GRIK4: variants seen among roughly 807,000 people sequenced by gnomAD.
The protein encoded by GRIK4 is glutamate receptor ionotropic, kainate 4.
A neutral mutation model predicts 104.9 loss-of-function variants in GRIK4; 40 were observed. That is an observed-to-expected ratio of 0.38 (90% confidence interval 0.30 to 0.50). The LOEUF is 0.50. Ranked by LOEUF, GRIK4 falls within the 20% of genes least tolerant of loss-of-function variation. The pLI, the probability that GRIK4 is intolerant of heterozygous loss-of-function variation, is 0.93. For synonymous variants in GRIK4, 485 were observed against 524.9 expected (o/e 0.92, Z 1.04); for missense variants, 1,047 against 1,308.1 (o/e 0.80, Z 3.08).
Position 120,903,372 on chromosome 11 carries a change from C to G in GRIK4, c.1273-1918C>G, listed in dbSNP as rs1309131862. ...CCCACTTTCAGCACAACTCTGGGGC[C>G]AGCACGAGCTCCCTTCTCTCTGTGA... On this transcript the variant is annotated intron_variant, in intron 12 of 20. Transcript: ENST00000527524. The surrounding 1 kb of genome is among the most constrained non-coding windows in gnomAD (Gnocchi z 4.4). Among the ~76,000 whole-genome samples, 1 of 152,064 alleles carries G rather than the reference C, an allele frequency of 6.6e-6. No individual in the cohort carries two copies. The highest frequency in any genetic ancestry group is 2.4e-5 in the African/African-American group (1 of 41,398).
At chr11:120,776,750 A>G (rs929219608) in intron 3 of GRIK4, among the ~76,000 whole-genome samples, 2 of 152,118 alleles carry the variant, frequency 1.3e-5, no homozygotes, top group South Asian at 2.1e-4. Flanking sequence ...AGCTCAGTCA[A>G]GGTGTTGTCG....
intron 8 of GRIK4, among the ~76,000 whole-genome samples, chr11:120,857,261 C>T (rs1010154997): frequency 6.6e-6 from 1 of 152,204 alleles, no homozygotes; most frequent in Non-Finnish European, 1.5e-5. Flanking sequence ...AAGCTTCCTG[C>T]AGCTTGCAGT....
intron 1 of GRIK4, among the ~76,000 whole-genome samples, chr11:120,649,220 G>A (rs1031270230): frequency 7.9e-5 from 12 of 152,166 alleles, no homozygotes; most frequent in Non-Finnish European, 1.3e-4. Flanking sequence ...ACCTGGGAGG[G>A]CTGAGGGGGG....
Position 120,769,084 on chromosome 11 carries a change from A to G in GRIK4, c.83-33609A>G, listed in dbSNP as rs1339647235. On this transcript the variant is annotated intron_variant, in intron 3 of 20. Transcript: ENST00000527524. ...ATTTGGACGTATTCCCTCTAGCTGT[A>G]TTTTTTGGAAGAGTTTAAGAAGCCC... 2.6e-5 allele frequency among the ~76,000 whole-genome samples: 4 copies of G among 152,240 alleles called. No homozygotes were observed. In the East Asian group the frequency reaches 5.8e-4, roughly 22 times the overall value.
chr11:120,958,296 G>A (rs1944211597), intron 16 of GRIK4, among the ~76,000 whole-genome samples: 5 of 152,258 alleles, frequency 3.3e-5, no homozygotes, highest in Admixed American at 1.3e-4. Context: ...CTGAGGGGAG[G>A]ACTCAGCGCT....
rs1429105722 is a variant in GRIK4 at position 120,513,973 on chromosome 11, G to A, written c.-159+2086G>A. 6.6e-6 allele frequency among the ~76,000 whole-genome samples: 1 copy of A among 152,218 alleles called. No homozygotes were observed. Among genetic ancestry groups the A allele is most frequent in the Non-Finnish European group, 1.5e-5 (1 of 68,054 alleles). ...GATGGAGAGGGAACTTTAGTACCGG[G>A]AGAGAGGCAGAGACTCTAGGAGAAA... On this transcript the variant is annotated intron_variant, in intron 1 of 20. Transcript: ENST00000527524. The surrounding 1 kb of genome is among the most constrained non-coding windows in gnomAD (Gnocchi z 4.5).
chr11:120,843,099 A>G (rs1342944440), intron 8 of GRIK4, among the ~76,000 whole-genome samples: 1 of 152,262 alleles, frequency 6.6e-6, no homozygotes, highest in African/African-American at 2.4e-5. Context: ...GTCAAAAGTC[A>G]GGGACTGCCA....
At chr11:120,656,599 G>A (rs556564588) in intron 2 of GRIK4, among the ~76,000 whole-genome samples, 14 of 152,242 alleles carry the variant, frequency 9.2e-5, no homozygotes, top group Admixed American at 3.9e-4. Flanking sequence ...AGTGGCTCAC[G>A]CCTGTAATCC....
At chr11:120,861,875 T>C in intron 8 of GRIK4, 84 bp from the exon 9 acceptor site, 1 of 1,013,012 alleles carries the variant, frequency 9.9e-7, no homozygotes, top group Non-Finnish European at 1.5e-6. Flanking sequence ...TAGAATGTGG[T>C]ACCCAGATAT....
chr11:120,828,270 A>G (rs978784322), intron 6 of GRIK4, among the ~76,000 whole-genome samples: 1 of 152,238 alleles, frequency 6.6e-6, no homozygotes, highest in African/African-American at 2.4e-5. Flanking sequence ...ATATATACAC[A>G]CACATCTATG....
At chr11:120,722,723 G>A (rs1950956820) in intron 3 of GRIK4, among the ~76,000 whole-genome samples, 1 of 152,138 alleles carries the variant, frequency 6.6e-6, no homozygotes, top group African/African-American at 2.4e-5. Context: ...TCTTTCTCTA[G>A]GCAACACCAG....
chr11:120,839,302 A>G (rs1953657609), intron 8 of GRIK4, among the ~76,000 whole-genome samples: 1 of 152,196 alleles, frequency 6.6e-6, no homozygotes, highest in Non-Finnish European at 1.5e-5. Context: ...CTTTTAGAGA[A>G]CAAGCATGGT....
intron 3 of GRIK4, among the ~76,000 whole-genome samples, chr11:120,755,214 G>A (rs1951631460): frequency 6.6e-6 from 1 of 152,208 alleles, no homozygotes; most frequent in African/African-American, 2.4e-5. Context: ...TACAGCCACA[G>A]TGTGTGGTGA....
intron 2 of GRIK4, among the ~76,000 whole-genome samples, chr11:120,655,462 A>G (rs937174294): frequency 6.6e-6 from 1 of 152,100 alleles, no homozygotes; most frequent in Admixed American, 6.5e-5. Flanking sequence ...GATTGAGGGG[A>G]TTGCCCTGAT....
In GRIK4 at chr11:120,524,264, G is replaced by C. The variant is rs932654924; in HGVS notation, c.-159+12377G>C. 1.3e-5 allele frequency among the ~76,000 whole-genome samples: 2 copies of C among 152,160 alleles called. No individual in the cohort carries two copies. The highest frequency in any genetic ancestry group is 2.9e-5 in the Non-Finnish European group (2 of 68,030). On this transcript the variant is annotated intron_variant, in intron 1 of 20. Transcript: ENST00000527524. This position sits in a 1 kb window ranked among gnomAD's most constrained non-coding sequence, Gnocchi z 4.5. ...TCCCCAACAACCAGAACAGCACTGGGTGCTCAGTATGCGTTTAGTGGGTGA... is the reference window on the plus strand; with the variant it reads ...TCCCCAACAACCAGAACAGCACTGGCTGCTCAGTATGCGTTTAGTGGGTGA...
chr11:120,555,073 T>A lies in GRIK4; in HGVS notation c.-159+43186T>A, dbSNP rs1194257212. Among the ~76,000 whole-genome samples the A allele has an allele frequency of 1.3e-5, 2 of 152,210 alleles. No homozygotes were observed. The highest frequency in any genetic ancestry group is 2.9e-5 in the Non-Finnish European group (2 of 68,036). ...GGTTGCCTCTGAAGCCTGTGAGGCA[T>A]GAGAAGGCGCTCTGCAGCCCGAGAC... On this transcript the variant is annotated intron_variant, in intron 1 of 20. Transcript: ENST00000527524. The surrounding 1 kb of genome is among the most constrained non-coding windows in gnomAD (Gnocchi z 5.3).
At chr11:120,975,199 G>C (rs922111364) in intron 19 of GRIK4, among the ~76,000 whole-genome samples, 1 of 152,192 alleles carries the variant, frequency 6.6e-6, no homozygotes, top group Admixed American at 6.5e-5. Flanking sequence ...TTGCTGTCTG[G>C]CACGGTGGGA....
intron 3 of GRIK4, among the ~76,000 whole-genome samples, chr11:120,784,819 G>T (rs1170424160): frequency 2.0e-5 from 3 of 151,884 alleles, no homozygotes; most frequent in Non-Finnish European, 4.4e-5. Context: ...CATCTCCCCA[G>T]TTCATCCATG....
chr11:120,888,836 AC>A (rs1955192766), intron 11 of GRIK4, among the ~76,000 whole-genome samples: 1 of 152,180 alleles, frequency 6.6e-6, no homozygotes, highest in African/African-American at 2.4e-5. Flanking sequence ...GCATGTCTTG[AC>A]CCACTGAATT....
Sources: allele counts gnomAD v4.1 joint callset (sites outside exome capture counted in the v4.1 genomes callset), GRCh38; gene constraint gnomAD v4.1.1; non-coding constraint Gnocchi (gnomAD v3.1); transcripts MANE v1.5; gene names NCBI Gene and HGNC (gene_info 2026-07-23, HGNC 2026-07-21).